Variants in NCALD observed in about 807,000 individuals in gnomAD.
NCALD encodes the protein neurocalcin delta.
In NCALD, 10 loss-of-function variants were observed where a neutral mutation model predicts 18.6. The observed-to-expected ratio is 0.54, with a 90% CI of 0.33 to 0.91. The LOEUF is 0.91. Among genes scored for constraint, NCALD ranks in the 40% least tolerant of loss-of-function variants. The pLI is 0.03. For missense variants in NCALD, 184 were observed against 247.6 expected (o/e 0.74, Z 1.72); for synonymous variants, 88 against 87.4 (o/e 1.01, Z -0.04).
chr8:101,999,746 A>G (rs770445865), intron 2 of NCALD, among the ~76,000 whole-genome samples: 5 of 151,182 alleles, frequency 3.3e-5, no homozygotes, highest in Non-Finnish European at 7.4e-5. Flanking sequence ...TATTCTCTAA[A>G]AATAAAATAA....
At chr8:102,086,907 T>C (rs1824756812) in intron 1 of NCALD, among the ~76,000 whole-genome samples, 1 of 152,192 alleles carries the variant, frequency 6.6e-6, no homozygotes, top group Non-Finnish European at 1.5e-5. Flanking sequence ...GAGAGTGACT[T>C]GGTCGTCCTC....
intron 1 of NCALD, among the ~76,000 whole-genome samples, chr8:101,740,896 T>C (rs192463552): frequency 6.6e-6 from 1 of 152,276 alleles, no homozygotes; most frequent in Admixed American, 6.5e-5. Flanking sequence ...CTGCTCATTC[T>C]AAATGCTAAT....
At chr8:101,801,768 G>A (rs923217349) in intron 4 of NCALD, among the ~76,000 whole-genome samples, 21 of 138,592 alleles carry the variant, frequency 1.5e-4, no homozygotes, top group Admixed American at 1.1e-3. Flanking sequence ...CCGGGTTCAC[G>A]CCATTCTCCT....
chr8:101,744,623 A>G (rs6468792), intron 1 of NCALD, among the ~76,000 whole-genome samples: 93,574 of 152,066 alleles, frequency 0.62, 31,339 homozygotes, highest in Non-Finnish European at 0.75. Context: ...ATATATCTTC[A>G]TTGTCAAGAT....
chr8:101,838,980 A>C (rs528970524), intron 4 of NCALD, among the ~76,000 whole-genome samples: 1 of 152,192 alleles, frequency 6.6e-6, no homozygotes, highest in East Asian at 1.9e-4. Context: ...TACCCATGTT[A>C]TTGGGGAAAC....
At chr8:101,999,450 G>A (rs528246165) in intron 2 of NCALD, among the ~76,000 whole-genome samples, 12 of 152,266 alleles carry the variant, frequency 7.9e-5, no homozygotes, top group East Asian at 1.9e-4. Context: ...GTTCTCACGC[G>A]TAATTGGGAG....
At chr8:101,903,849 C>T (rs747814734) in intron 3 of NCALD, among the ~76,000 whole-genome samples, 5 of 152,206 alleles carry the variant, frequency 3.3e-5, no homozygotes, top group Non-Finnish European at 7.3e-5. Flanking sequence ...CAGAAGGGTG[C>T]CTGGGGTTAG....
intron 1 of NCALD, among the ~76,000 whole-genome samples, chr8:102,094,937 G>A (rs927786522): frequency 1.3e-5 from 2 of 152,224 alleles, no homozygotes; most frequent in Non-Finnish European, 2.9e-5. Flanking sequence ...AGCCATTGGA[G>A]GGAACAGGGC....
chr8:101,741,768 A>C (rs1482065674), intron 1 of NCALD, among the ~76,000 whole-genome samples: 1 of 112,628 alleles, frequency 8.9e-6, no homozygotes, highest in Non-Finnish European at 1.6e-5. Flanking sequence ...CTCTACAAAA[A>C]AAAAAAAAAA....
At chr8:102,018,499 C>T (rs1822165389) in intron 2 of NCALD, among the ~76,000 whole-genome samples, 1 of 152,042 alleles carries the variant, frequency 6.6e-6, no homozygotes, top group Admixed American at 6.6e-5. Context: ...AAACAAAGGC[C>T]ACGTAGTATG....
At chr8:102,001,649 G>C (rs1821473626) in intron 2 of NCALD, among the ~76,000 whole-genome samples, 1 of 152,186 alleles carries the variant, frequency 6.6e-6, no homozygotes, top group Admixed American at 6.5e-5. Flanking sequence ...ACCCACAAAG[G>C]GAAGCCCATC....
Position 101,702,168 on chromosome 8 carries a change from GC to G in NCALD, c.379-9273del, listed in dbSNP as rs886562483. ...GAAGCAAAACAAAACCATTTTTGCT[GC>G]TGAAAATGGAGTTTGAACCACTGAA... On this transcript the variant is annotated intron_variant, in intron 2 of 3. Coordinates refer to ENST00000220931, the MANE Select transcript of NCALD (RefSeq NM_032041.3). 3.6e-4 allele frequency among the ~76,000 whole-genome samples: 55 copies of G among 152,136 alleles called. No homozygotes were observed. The Middle Eastern group carries it at 0.021, about 57-fold the overall frequency.
At chr8:101,730,816 A>G (rs1330916661) in intron 1 of NCALD, among the ~76,000 whole-genome samples, 2 of 152,224 alleles carry the variant, frequency 1.3e-5, no homozygotes, top group South Asian at 4.1e-4. Context: ...GAGGTTCTTC[A>G]TGTCATTGGC....
intron 2 of NCALD, among the ~76,000 whole-genome samples, chr8:101,949,972 C>CA (rs1252743129): frequency 7.9e-5 from 12 of 152,156 alleles, no homozygotes; most frequent in Admixed American, 7.9e-4. Flanking sequence ...ACTTGGTTGT[C>CA]ACCAGGCAAC....
At chr8:101,801,643 C>CTTTTTCTT (rs1563783000) in intron 4 of NCALD, among the ~76,000 whole-genome samples, 5 of 44,176 alleles carry the variant, frequency 1.1e-4, no homozygotes, top group Middle Eastern at 0.019. Flanking sequence ...AGCACACTTA[C>CTTTTTCTT]TTTTTTTTTT....
intron 4 of NCALD, among the ~76,000 whole-genome samples, chr8:101,843,837 C>T (rs1814753698): frequency 6.6e-6 from 1 of 152,130 alleles, no homozygotes; most frequent in Non-Finnish European, 1.5e-5. Context: ...CCGACTCAGC[C>T]TCCCAAAGTG....
In NCALD at chr8:101,878,517, T is replaced by C. The variant is rs573973905; in HGVS notation, c.-20+8624A>G. Reference sequence around the variant, plus strand: ...ACATTTCTCTCATACAGTCTTGCTATTTAAGAGGCTAATTGTTTTAGATTT... The same window carrying C: ...ACATTTCTCTCATACAGTCTTGCTACTTAAGAGGCTAATTGTTTTAGATTT... On this transcript the variant is annotated intron_variant, in intron 4 of 6. Coordinates refer to the NCALD transcript ENST00000311028. Among the ~76,000 whole-genome samples the C allele has an allele frequency of 4.6e-5, 7 of 152,378 alleles. No individual in the cohort carries two copies. In the South Asian group the frequency reaches 1.5e-3, roughly 32 times the overall value.
intron 1 of NCALD, among the ~76,000 whole-genome samples, chr8:102,107,842 C>A (rs1563623819): frequency 6.6e-6 from 1 of 152,152 alleles, no homozygotes; most frequent in South Asian, 2.1e-4. Context: ...ATTTAGAGTT[C>A]CAAATAAGAC....
chr8:101,832,520 A>T (rs1196231767), intron 4 of NCALD, among the ~76,000 whole-genome samples: 1 of 152,242 alleles, frequency 6.6e-6, no homozygotes, highest in African/African-American at 2.4e-5. Flanking sequence ...ACATGTTAGA[A>T]TCTATGCATG....
Sources: allele counts gnomAD v4.1 joint callset (sites outside exome capture counted in the v4.1 genomes callset), GRCh38; gene constraint gnomAD v4.1.1; transcripts MANE v1.5; gene names NCBI Gene and HGNC (gene_info 2026-07-23, HGNC 2026-07-21).